The following CNBD1 variants were observed in gnomAD, a reference collection of about 807,000 sequenced individuals.
The protein encoded by CNBD1 is cyclic nucleotide binding domain containing 1, also known as cyclic nucleotide-binding domain-containing protein 1.
A neutral mutation model predicts 54.4 loss-of-function variants in CNBD1; 71 were observed. That is an observed-to-expected ratio of 1.30 (90% confidence interval 1.08 to 1.59). The LOEUF (loss-of-function observed/expected upper bound fraction) is 1.59. CNBD1 is among the 40% of genes most tolerant of loss of function. The pLI, the probability that CNBD1 is intolerant of heterozygous loss-of-function variation, is 0.00. For missense variants in CNBD1, 659 were observed against 518.0 expected (o/e 1.27, Z -2.64); for synonymous variants, 182 against 170.7 (o/e 1.07, Z -0.51).
intron 8 of CNBD1, among the ~76,000 whole-genome samples, chr8:87,348,603 C>T (rs1200920037): frequency 6.6e-6 from 1 of 152,146 alleles, no homozygotes; most frequent in Non-Finnish European, 1.5e-5. Context: ...CGGCATTGTC[C>T]ATCCTGAGAT....
intron 2 of CNBD1, among the ~76,000 whole-genome samples, chr8:87,425,066 T>C (rs1281028686): frequency 3.3e-5 from 5 of 152,132 alleles, no homozygotes; most frequent in African/African-American, 1.2e-4. Flanking sequence ...TTCATTTCAT[T>C]CATTTCATCT....
chr8:87,115,158 T>C (rs1338784059), intron 4 of CNBD1, among the ~76,000 whole-genome samples: 1 of 152,210 alleles, frequency 6.6e-6, no homozygotes, highest in Non-Finnish European at 1.5e-5. Flanking sequence ...AGATAGAAAC[T>C]GAATCTGTAA....
intron 2 of CNBD1, among the ~76,000 whole-genome samples, chr8:87,419,607 C>A (rs10098977): frequency 6.6e-6 from 1 of 151,538 alleles, no homozygotes; most frequent in Non-Finnish European, 1.5e-5. Flanking sequence ...AGATCATCAG[C>A]AAAATCACAA....
chr8:86,871,528 G>T (rs1808443854), intron 1 of CNBD1, among the ~76,000 whole-genome samples: 1 of 152,068 alleles, frequency 6.6e-6, no homozygotes, highest in Non-Finnish European at 1.5e-5. Context: ...CCACAATCTG[G>T]CATTTAAATC....
intron 4 of CNBD1, among the ~76,000 whole-genome samples, chr8:86,943,803 C>G (rs985367783): frequency 1.3e-5 from 2 of 151,856 alleles, no homozygotes; most frequent in African/African-American, 4.8e-5. Flanking sequence ...TTAAAACAAT[C>G]ACAATAAACA....
intron 4 of CNBD1, among the ~76,000 whole-genome samples, chr8:86,968,420 T>A (rs933171444): frequency 1.3e-5 from 2 of 152,152 alleles, no homozygotes; most frequent in African/African-American, 4.8e-5. Context: ...AAACACTGAA[T>A]AAAAATGTAT....
At chr8:87,184,472 C>G (rs927479180) in intron 4 of CNBD1, among the ~76,000 whole-genome samples, 3 of 152,168 alleles carry the variant, frequency 2.0e-5, no homozygotes, top group Non-Finnish European at 4.4e-5. Flanking sequence ...TCCTCTCCAG[C>G]CTTTCCCACG....
chr8:87,145,619 A>G (rs966662822), intron 4 of CNBD1, among the ~76,000 whole-genome samples: 5 of 152,210 alleles, frequency 3.3e-5, no homozygotes, highest in Non-Finnish European at 5.9e-5. Flanking sequence ...ACCATAGCAT[A>G]TAAGATGGGA....
At chr8:86,928,964 A>G (rs371447716) in intron 3 of CNBD1, among the ~76,000 whole-genome samples, 26 of 152,186 alleles carry the variant, frequency 1.7e-4, no homozygotes, top group African/African-American at 5.8e-4. Flanking sequence ...GGAGAAAACT[A>G]TCCCCCTGTG....
At chr8:87,195,646 T>C (rs1813705956) in intron 4 of CNBD1, among the ~76,000 whole-genome samples, 1 of 151,836 alleles carries the variant, frequency 6.6e-6, no homozygotes, top group Non-Finnish European at 1.5e-5. Flanking sequence ...CAATCTCGGC[T>C]CACTGCGACC....
intron 4 of CNBD1, among the ~76,000 whole-genome samples, chr8:86,980,468 A>G (rs911604661): frequency 3.3e-5 from 5 of 152,076 alleles, no homozygotes; most frequent in African/African-American, 1.2e-4. Context: ...TTCCAGATTT[A>G]AAACATATTT....
intron 2 of CNBD1, among the ~76,000 whole-genome samples, chr8:87,404,855 T>C (rs1169163807): frequency 6.6e-6 from 1 of 152,070 alleles, no homozygotes; most frequent in Non-Finnish European, 1.5e-5. Flanking sequence ...TGCAAAACTT[T>C]CTGAAATGTG....
intron 4 of CNBD1, among the ~76,000 whole-genome samples, chr8:87,152,636 C>T (rs1467051368): frequency 6.6e-6 from 1 of 152,086 alleles, no homozygotes; most frequent in African/African-American, 2.4e-5. Flanking sequence ...CCTCTTGATA[C>T]TGAGCTGTCC....
chr8:87,355,703 A>T (rs1260050824), intron 10 of CNBD1, among the ~76,000 whole-genome samples: 1 of 152,212 alleles, frequency 6.6e-6, no homozygotes, highest in Non-Finnish European at 1.5e-5. Flanking sequence ...GCTTCAACAG[A>T]CTAAATTGAA....
rs549164426 is a variant in CNBD1, at chr8:86,931,714, C to T, written c.273-7882C>T. Among the ~76,000 whole-genome samples, 135 of 152,238 alleles carry T rather than the reference C, an allele frequency of 8.9e-4. 2 individuals carry two copies. Among genetic ancestry groups the T allele is most frequent in the South Asian group, 7.1e-3 (34 of 4,822 alleles). ...TAATGCCTCCAAATTTTGTTCAGGG[C>T]CCAGGACTAGCTTTCGGAGGTTTCT... On this transcript the variant is annotated intron_variant, in intron 3 of 10. Coordinates refer to ENST00000518476, the MANE Select transcript of CNBD1 (RefSeq NM_173538.3).
At chr8:86,876,169 CTG>C (rs1311195980) in intron 1 of CNBD1, among the ~76,000 whole-genome samples, 2 of 105,624 alleles carry the variant, frequency 1.9e-5, no homozygotes, top group Non-Finnish European at 3.7e-5. Context: ...TGTTTGATAC[CTG>C]TGTGTGTGTG....
intron 3 of CNBD1, among the ~76,000 whole-genome samples, chr8:86,936,658 G>T (rs932617591): frequency 3.3e-5 from 5 of 151,098 alleles, no homozygotes; most frequent in African/African-American, 1.2e-4. Context: ...CAGGAGAATG[G>T]TGTGAACCCA....
At chr8:87,122,301 A>G (rs147184300) in intron 4 of CNBD1, among the ~76,000 whole-genome samples, 1,700 of 151,876 alleles carry the variant, frequency 0.011, 40 homozygotes, top group African/African-American at 0.037. Context: ...GCATTTTTCT[A>G]TAGTGATGCT....
intron 5 of CNBD1, among the ~76,000 whole-genome samples, chr8:87,210,474 C>A (rs983053582): frequency 6.6e-6 from 1 of 152,190 alleles, no homozygotes; most frequent in African/African-American, 2.4e-5. Context: ...TAGGTAGACA[C>A]TCCTATGATA....
Sources: allele counts gnomAD v4.1 joint callset (sites outside exome capture counted in the v4.1 genomes callset), GRCh38; gene constraint gnomAD v4.1.1; transcripts MANE v1.5; gene names NCBI Gene and HGNC (gene_info 2026-07-23, HGNC 2026-07-21).